Variants in FYN observed in about 807,000 individuals in gnomAD.
The protein encoded by FYN is tyrosine-protein kinase Fyn.
A neutral mutation model predicts 70.2 loss-of-function variants in FYN; 10 were observed. The observed-to-expected ratio is 0.14, with a 90% CI of 0.09 to 0.24. The LOEUF (loss-of-function observed/expected upper bound fraction) is 0.24, where lower values mean the gene tolerates loss of function less well. Ranked by LOEUF, FYN falls within the 10% of genes least tolerant of loss-of-function variation. The pLI is 1.00. For missense variants in FYN, 319 were observed against 673.1 expected (o/e 0.47, Z 5.82); for synonymous variants, 236 against 248.6 (o/e 0.95, Z 0.48).
chr6:111,696,326 T>C lies in FYN; in HGVS notation c.993A>G (p.Ala331=). 1.2e-6 allele frequency: 2 copies of C among 1,613,602 alleles called. No individual in the cohort carries two copies. The highest frequency in any genetic ancestry group is 1.7e-6 in the Non-Finnish European group (2 of 1,179,828). Residue 331 remains alanine, a synonymous_variant, in exon 10 of 14, where the codon GCA becomes GCG. Coordinates refer to ENST00000354650, the MANE Select transcript of FYN (RefSeq NM_002037.5). Reference sequence around the variant, plus strand: ...TGTAGATGGGCTCCTCAGACACCACTGCATAGAGCTGGACCAGCTTGTCGT... The same window carrying C: ...TGTAGATGGGCTCCTCAGACACCACCGCATAGAGCTGGACCAGCTTGTCGT... ...LKHDKLVQLY[A]VVSEEPIYIV...
chr6:111,775,905 A>G (rs1224300405), intron 3 of FYN, among the ~76,000 whole-genome samples: 1 of 152,154 alleles, frequency 6.6e-6, no homozygotes, highest in Non-Finnish European at 1.5e-5. Flanking sequence ...CCCATGGGAT[A>G]TTCTTGCTCT....
chr6:111,670,909 C>G (rs804182), intron 13 of FYN, among the ~76,000 whole-genome samples: 143,066 of 152,300 alleles, frequency 0.94, 67,401 homozygotes, highest in East Asian at 1. Flanking sequence ...TTACTTAAGT[C>G]TTTTTATTTC....
intron 3 of FYN, among the ~76,000 whole-genome samples, chr6:111,746,779 C>G (rs745826039): frequency 3.3e-5 from 5 of 151,026 alleles, no homozygotes; most frequent in Non-Finnish European, 7.4e-5. Flanking sequence ...GCAACAAGGG[C>G]TAAAACGTCA....
chr6:111,798,032 G>GGATT (rs1400692989), intron 2 of FYN, among the ~76,000 whole-genome samples: 1 of 151,936 alleles, frequency 6.6e-6, no homozygotes, highest in Non-Finnish European at 1.5e-5. Context: ...CAAAGTGCTG[G>GGATT]GATTACAGGT....
At chr6:111,741,535 T>C (rs1220525310) in intron 3 of FYN, among the ~76,000 whole-genome samples, 4 of 152,242 alleles carry the variant, frequency 2.6e-5, no homozygotes, top group Non-Finnish European at 5.9e-5. Flanking sequence ...AACAGTGTGT[T>C]ACTTTTGAAA....
chr6:111,762,687 G>C lies in FYN; in HGVS notation c.-12+17879C>G, dbSNP rs767668774. 3.3e-5 allele frequency among the ~76,000 whole-genome samples: 5 copies of C among 152,042 alleles called. No homozygotes were observed. The South Asian group carries it at 1.0e-3, about 32-fold the overall frequency. ...GGCCCTGCAAAGCTGTGTCTCTTGTGGGGGAAGTCTGCATGCAGGGGTGTC... is the reference window on the plus strand; with the variant it reads ...GGCCCTGCAAAGCTGTGTCTCTTGTCGGGGAAGTCTGCATGCAGGGGTGTC... On this transcript the variant is annotated intron_variant, in intron 3 of 13. Coordinates refer to ENST00000354650, the MANE Select transcript of FYN (RefSeq NM_002037.5).
chr6:111,688,073 A>C (rs1799103831), intron 12 of FYN, among the ~76,000 whole-genome samples: 1 of 152,108 alleles, frequency 6.6e-6, no homozygotes, highest in African/African-American at 2.4e-5. Flanking sequence ...GAACAAAAAA[A>C]CTCCAAAGTG....
chr6:111,697,939 C>T (rs1329640252), intron 9 of FYN, among the ~76,000 whole-genome samples: 3 of 152,126 alleles, frequency 2.0e-5, no homozygotes, highest in African/African-American at 4.8e-5. Context: ...ATATATTTTA[C>T]GATACTTGAG....
intron 12 of FYN, among the ~76,000 whole-genome samples, chr6:111,691,860 G>C (rs1031204182): frequency 6.6e-6 from 1 of 152,234 alleles, no homozygotes; most frequent in Non-Finnish European, 1.5e-5. Context: ...AACAGGGTCA[G>C]CCATTTCTGG....
chr6:111,724,545 T>C (rs1197198163), intron 3 of FYN, among the ~76,000 whole-genome samples: 1 of 152,136 alleles, frequency 6.6e-6, no homozygotes, highest in Non-Finnish European at 1.5e-5. Context: ...AGATTTCAGG[T>C]GTGTGCAGGA....
chr6:111,789,605 A>G (rs1771534785), intron 2 of FYN, among the ~76,000 whole-genome samples: 1 of 152,228 alleles, frequency 6.6e-6, no homozygotes, highest in African/African-American at 2.4e-5. Context: ...GACTCATGAG[A>G]ATGAAGCATA....
chr6:111,663,207 C>T lies in FYN; in HGVS notation c.1406-1260G>A, dbSNP rs1014946059. 5.9e-5 allele frequency among the ~76,000 whole-genome samples: 9 copies of T among 152,326 alleles called. No homozygotes were observed. In the East Asian group the frequency reaches 7.7e-4, roughly 13 times the overall value. ...CTGGAATCCTCCCCAGTATCTGACC[C>T]GGTTAATTTGCAGGAGCAAGAACCC... On this transcript the variant is annotated intron_variant, in intron 13 of 13. Transcript: ENST00000354650.
intron 13 of FYN, among the ~76,000 whole-genome samples, chr6:111,673,622 G>GTTGTTTTTTT (rs1798399069): frequency 4.3e-5 from 5 of 116,558 alleles, no homozygotes; most frequent in African/African-American, 1.6e-4. Flanking sequence ...TTCTATCATT[G>GTTGTTTTTTT]TTTTTTTTTT....
At chr6:111,814,726 T>G (rs1475733912) in intron 2 of FYN, among the ~76,000 whole-genome samples, 1 of 152,156 alleles carries the variant, frequency 6.6e-6, no homozygotes, top group African/African-American at 2.4e-5. Flanking sequence ...TCAAAACAAC[T>G]CCATACTTGT....
intron 3 of FYN, among the ~76,000 whole-genome samples, chr6:111,733,575 G>A (rs186863845): frequency 4.3e-4 from 65 of 152,320 alleles, no homozygotes; most frequent in Non-Finnish European, 8.4e-4. Context: ...GGCACAGAGC[G>A]TATCACTCTG....
At chr6:111,788,998 T>C (rs1404370961) in intron 2 of FYN, among the ~76,000 whole-genome samples, 2 of 152,098 alleles carry the variant, frequency 1.3e-5, no homozygotes, top group African/African-American at 4.8e-5. Context: ...AAGGTTGTGG[T>C]TGTTGTTTTA....
intron 3 of FYN, among the ~76,000 whole-genome samples, chr6:111,745,148 A>C (rs192693984): frequency 1.1e-4 from 17 of 152,210 alleles, no homozygotes; most frequent in African/African-American, 4.1e-4. Flanking sequence ...CCATCCATCC[A>C]CCTACCCACC....
At chr6:111,663,311 A>C (rs1797849486) in intron 13 of FYN, among the ~76,000 whole-genome samples, 1 of 152,222 alleles carries the variant, frequency 6.6e-6, no homozygotes, top group Non-Finnish European at 1.5e-5. Context: ...CACCATATGC[A>C]TGGAGCTTCC....
intron 2 of FYN, chr6:111,820,002 T>G (rs1477833549): frequency 6.6e-6 from 1 of 152,232 alleles, no homozygotes; most frequent in East Asian, 1.9e-4. Flanking sequence ...AAGTGTTATT[T>G]TCTTCACTCC....
Sources: gnomAD v4.1 joint callset for allele counts (sites outside exome capture counted in the v4.1 genomes callset) on GRCh38, gnomAD v4.1.1 for gene constraint, MANE v1.5 for transcripts, NCBI Gene and HGNC (gene_info 2026-07-23, HGNC 2026-07-21) for gene names.